F13A1: variants seen among roughly 807,000 people sequenced by gnomAD.
F13A1 encodes the protein FSF, A subunit.
A neutral mutation model predicts 80.1 loss-of-function variants in F13A1; 47 were observed. The ratio of observed to expected loss-of-function variants is 0.59; its 90% CI spans 0.46 to 0.75. The LOEUF (loss-of-function observed/expected upper bound fraction) is 0.75, where lower values mean the gene tolerates loss of function less well. F13A1 is among the 30% of genes least tolerant of loss of function. The pLI is 0.00. For missense variants in F13A1, 817 were observed against 930.4 expected, an observed-to-expected ratio of 0.88 and a Z score of 1.59; for synonymous variants, 349 against 344.9, an observed-to-expected ratio of 1.01 and a Z score of -0.13.
In F13A1 at chr6:6,162,237, C is replaced by A. The variant is rs1042421737; in HGVS notation, c.1908+5221G>T. On this transcript the variant is annotated intron_variant, in intron 13 of 14. Coordinates refer to ENST00000264870, the MANE Select transcript of F13A1 (RefSeq NM_000129.4). The surrounding 1 kb of genome is among the most constrained non-coding windows in gnomAD (Gnocchi z 4.2). ...GCCTCAAGCTATCTTTTTCAGGTTACCCTTACTCATCCCTGCTCCCAGCCT... is the reference window on the plus strand; with the variant it reads ...GCCTCAAGCTATCTTTTTCAGGTTAACCTTACTCATCCCTGCTCCCAGCCT... Among the ~76,000 whole-genome samples the A allele has an allele frequency of 7.1e-6, 1 of 141,230 alleles. No homozygotes were observed. The highest frequency in any genetic ancestry group is 1.6e-5 in the Non-Finnish European group (1 of 63,350). The allele number at this position is 141,230 out of a possible 152,430, so 92.7% of individuals were successfully genotyped here.
intron 3 of F13A1, among the ~76,000 whole-genome samples, chr6:6,281,955 C>T (rs1315492867): frequency 2.1e-5 from 3 of 145,090 alleles, no homozygotes; most frequent in African/African-American, 7.7e-5. Context: ...GATCATGCCA[C>T]TGCACTCCAG....
At chr6:6,231,546 C>CAAA (rs1336503091) in intron 6 of F13A1, among the ~76,000 whole-genome samples, 7 of 152,120 alleles carry the variant, frequency 4.6e-5, no homozygotes, top group African/African-American at 1.7e-4. Flanking sequence ...TGCTAGAGAC[C>CAAA]TAGACATCCA....
chr6:6,159,270 C>T (rs1432292056), intron 13 of F13A1, among the ~76,000 whole-genome samples: 1 of 152,048 alleles, frequency 6.6e-6, no homozygotes, highest in African/African-American at 2.4e-5. Context: ...GTGAGATCAG[C>T]AGCCACCACA....
intron 2 of F13A1, among the ~76,000 whole-genome samples, chr6:6,306,640 G>T: frequency 6.6e-6 from 1 of 152,204 alleles, no homozygotes; most frequent in Admixed American, 6.5e-5. Flanking sequence ...ATTTGGCATT[G>T]TAAAGAGTTA....
Position 6,234,361 on chromosome 6 carries a change from A to G in F13A1, c.799-9501T>C, listed in dbSNP as rs1757389391. On this transcript the variant is annotated intron_variant, in intron 6 of 14. Coordinates refer to ENST00000264870, the MANE Select transcript of F13A1 (RefSeq NM_000129.4). Reference sequence around the variant, plus strand: ...CAGCCCCCTTTTACACACATTGTCGAACATGAAGTACTTCAGGGAATATGG... The same window carrying G: ...CAGCCCCCTTTTACACACATTGTCGGACATGAAGTACTTCAGGGAATATGG... Among the ~76,000 whole-genome samples, 8 of 152,164 alleles carry G rather than the reference A, an allele frequency of 5.3e-5. No individual in the cohort carries two copies. In the South Asian group the frequency reaches 1.7e-3, roughly 32 times the overall value.
At chr6:6,186,054 CT>C (rs1360718463) in intron 10 of F13A1, among the ~76,000 whole-genome samples, 3 of 151,318 alleles carry the variant, frequency 2.0e-5, no homozygotes, top group Non-Finnish European at 4.4e-5. Flanking sequence ...CCTTCACCCA[CT>C]TTTTGATGGG....
intron 12 of F13A1, among the ~76,000 whole-genome samples, chr6:6,172,378 T>A (rs1468781784): frequency 6.6e-6 from 1 of 152,034 alleles, no homozygotes; most frequent in Non-Finnish European, 1.5e-5. Context: ...TTCTTTTCCA[T>A]GAAAATTACC....
Position 6,300,103 on chromosome 6 carries a change from T to C in F13A1, c.319+5248A>G, listed in dbSNP as rs1253156310. Reference sequence around the variant, plus strand: ...GACCCACTTGAGGAGGCAGTCTGCCTGTTCTCAGATCTCCAGCTGTGTGCT... The same window carrying C: ...GACCCACTTGAGGAGGCAGTCTGCCCGTTCTCAGATCTCCAGCTGTGTGCT... On this transcript the variant is annotated intron_variant, in intron 3 of 14. Coordinates refer to ENST00000264870, the MANE Select transcript of F13A1 (RefSeq NM_000129.4). Among the ~76,000 whole-genome samples the C allele has an allele frequency of 5.9e-3, 853 of 144,740 alleles. 31 individuals carry two copies. Among genetic ancestry groups the C allele is most frequent in the African/African-American group, 0.02 (694 of 34,722 alleles). The allele number at this position is 144,740 out of a possible 152,430, so 95.0% of individuals were successfully genotyped here.
At chr6:6,154,140 G>T (rs532374892) in intron 13 of F13A1, among the ~76,000 whole-genome samples, 1 of 42,642 alleles carries the variant, frequency 2.3e-5, no homozygotes, top group African/African-American at 1.1e-4. Flanking sequence ...TCGTACTGAC[G>T]TCCAAAAAAA....
At chr6:6,318,306 GT>G (rs1467052297) in intron 2 of F13A1, among the ~76,000 whole-genome samples, 1 of 152,226 alleles carries the variant, frequency 6.6e-6, no homozygotes, top group Non-Finnish European at 1.5e-5. Flanking sequence ...CTTCTCTGAG[GT>G]TACAAGGTCA....
chr6:6,233,149 TAAATG>T (rs1757374518), intron 6 of F13A1, among the ~76,000 whole-genome samples: 1 of 151,808 alleles, frequency 6.6e-6, no homozygotes, highest in Non-Finnish European at 1.5e-5. Context: ...ATACAAAAGA[TAAATG>T]AAACAAAAAG....
chr6:6,158,700 C>T (rs1238362893), intron 13 of F13A1, among the ~76,000 whole-genome samples: 6 of 151,954 alleles, frequency 3.9e-5, no homozygotes, highest in African/African-American at 1.5e-4. Flanking sequence ...AGAACGTGCT[C>T]GGTTGTGGAC....
intron 13 of F13A1, among the ~76,000 whole-genome samples, chr6:6,166,331 A>T (rs1356743140): frequency 6.6e-6 from 1 of 152,226 alleles, no homozygotes; most frequent in Non-Finnish European, 1.5e-5. Context: ...AATGCTGCAC[A>T]GCAGTCATTG....
At chr6:6,191,920 A>G (rs1338806177) in intron 10 of F13A1, among the ~76,000 whole-genome samples, 1 of 152,228 alleles carries the variant, frequency 6.6e-6, no homozygotes, top group Admixed American at 6.5e-5. Context: ...TGAAAACAAC[A>G]GGGCAGATGG....
chr6:6,161,551 T>TGTGTGTGTGTGTGTGTGTGAGA (rs1010361754), intron 13 of F13A1, among the ~76,000 whole-genome samples: 5 of 146,280 alleles, frequency 3.4e-5, no homozygotes, highest in African/African-American at 1.3e-4. Flanking sequence ...TGTGTGTGTG[T>TGTGTGTGTGTGTGTGTGTGAGA]GAGAGAGAGA....
In F13A1 at chr6:6,250,940, GT is replaced by G; in HGVS notation, c.572-12del. On this transcript the variant is annotated splice_polypyrimidine_tract_variant and intron_variant, in intron 4 of 14. Transcript: ENST00000264870. The surrounding 1 kb of genome is among the most constrained non-coding windows in gnomAD (Gnocchi z 4.2). ...GATACACAGCATCATCTGCATCAGG[GT>G]TTAAACATAGTGACTATTACCAAAC... 6.4e-7 allele frequency: 1 copy of G among 1,554,332 alleles called. No homozygotes were observed.
chr6:6,183,274 C>T (rs1326724442), intron 10 of F13A1, among the ~76,000 whole-genome samples: 3 of 152,160 alleles, frequency 2.0e-5, no homozygotes, highest in South Asian at 2.1e-4. Context: ...CTTCATAGGA[C>T]GATTGGCAGA....
chr6:6,233,220 AAG>A (rs1006118814), intron 6 of F13A1, among the ~76,000 whole-genome samples: 5 of 152,142 alleles, frequency 3.3e-5, no homozygotes, highest in African/African-American at 9.6e-5. Flanking sequence ...ATTAACCAAA[AAG>A]AGAGAAAATC....
chr6:6,277,371 A>AAAAAT (rs1758002544), intron 3 of F13A1, among the ~76,000 whole-genome samples: 1 of 150,560 alleles, frequency 6.6e-6, no homozygotes, highest in Non-Finnish European at 1.5e-5. Context: ...AAAAAAAAAA[A>AAAAAT]GACTGACACT....
Sources: gnomAD v4.1 joint callset for allele counts (sites outside exome capture counted in the v4.1 genomes callset) on GRCh38, gnomAD v4.1.1 for gene constraint, Gnocchi (gnomAD v3.1) non-coding constraint, MANE v1.5 for transcripts, NCBI Gene and HGNC (gene_info 2026-07-23, HGNC 2026-07-21) for gene names.